CGNL1: variants seen among roughly 807,000 people sequenced by gnomAD.
The protein encoded by CGNL1 is cingulin like 1.
A neutral mutation model predicts 141.2 loss-of-function variants in CGNL1; 132 were observed. That is an observed-to-expected ratio of 0.93 (90% CI 0.81 to 1.08). CGNL1 has a LOEUF of 1.08. Ranked by LOEUF, CGNL1 falls within the 50% of genes least tolerant of loss-of-function variation. The pLI, the probability that CGNL1 is intolerant of heterozygous loss-of-function variation, is 0.00. For missense variants in CGNL1, 1,870 were observed against 1,588.6 expected (o/e 1.18, Z -3.01); for synonymous variants, 690 against 622.1 (o/e 1.11, Z -1.63).
intron 1 of CGNL1, among the ~76,000 whole-genome samples, chr15:57,432,260 T>A (rs1458026493): frequency 6.6e-6 from 1 of 152,194 alleles, no homozygotes; most frequent in African/African-American, 2.4e-5. Context: ...CTGGTGAATA[T>A]GCATGCAGGT....
At chr15:57,461,394 C>T (rs1284297819) in intron 7 of CGNL1, among the ~76,000 whole-genome samples, 3 of 152,138 alleles carry the variant, frequency 2.0e-5, no homozygotes, top group African/African-American at 7.2e-5. Flanking sequence ...AAGATACAGA[C>T]GTGTTCCCCA....
chr15:57,490,422 G>A lies in CGNL1; in HGVS notation c.2404-26358G>A, dbSNP rs578249374. ...AACACACACACACACGCACGCACGC[G>A]TGCGTGTGCACTCACATTGATGAGG... On this transcript the variant is annotated intron_variant, in intron 8 of 18. Coordinates refer to ENST00000281282, the MANE Select transcript of CGNL1 (RefSeq NM_032866.5). Among the ~76,000 whole-genome samples the A allele has an allele frequency of 9.2e-5, 14 of 152,106 alleles. No homozygotes were observed. The South Asian group carries it at 1.0e-3, about 11-fold the overall frequency.
At chr15:57,519,266 G>A (rs1050328046) in intron 10 of CGNL1, among the ~76,000 whole-genome samples, 1 of 152,196 alleles carries the variant, frequency 6.6e-6, no homozygotes, top group Non-Finnish European at 1.5e-5. Context: ...AGAAGCCAGT[G>A]TTTTTGAGAG....
At chr15:57,446,143 A>AG (rs2063248159) in intron 4 of CGNL1, among the ~76,000 whole-genome samples, 1 of 152,240 alleles carries the variant, frequency 6.6e-6, no homozygotes, top group Non-Finnish European at 1.5e-5. Flanking sequence ...ACACAGAGGC[A>AG]GGGGCTTTGG....
chr15:57,518,094 C>T (rs2030967124), intron 9 of CGNL1, among the ~76,000 whole-genome samples: 1 of 151,882 alleles, frequency 6.6e-6, no homozygotes, highest in South Asian at 2.1e-4. Flanking sequence ...TCACTTGAGC[C>T]CAGGAGTTCA....
At chr15:57,392,376 G>A (rs2062553285) in intron 1 of CGNL1, among the ~76,000 whole-genome samples, 1 of 152,120 alleles carries the variant, frequency 6.6e-6, no homozygotes, top group African/African-American at 2.4e-5. Flanking sequence ...GTGAAATAAG[G>A]TCATTTTAAA....
chr15:57,507,729 A>G (rs1265112300), intron 8 of CGNL1, among the ~76,000 whole-genome samples: 1 of 152,222 alleles, frequency 6.6e-6, no homozygotes. Flanking sequence ...GTTACAGATG[A>G]TCTGGTTTAA....
At chr15:57,511,030 T>A (rs2030256166) in intron 8 of CGNL1, among the ~76,000 whole-genome samples, 1 of 152,196 alleles carries the variant, frequency 6.6e-6, no homozygotes, top group African/African-American at 2.4e-5. Flanking sequence ...TCTGAGTTCC[T>A]GTGACCATTG....
At chr15:57,507,825 C>A (rs1483867625) in intron 8 of CGNL1, among the ~76,000 whole-genome samples, 1 of 152,164 alleles carries the variant, frequency 6.6e-6, no homozygotes, top group Admixed American at 6.5e-5. Flanking sequence ...TCCAGGACTA[C>A]CTAATGCTGC....
Position 57,439,605 on chromosome 15 carries a change from A to G in CGNL1, c.1602+4A>G. On this transcript the variant is annotated splice_donor_region_variant and intron_variant, in intron 2 of 18. Transcript: ENST00000281282. ...TCCTTCGGCCTCAAATACTCAGGTA[A>G]CACTAGTGCGATTCCTGTTTGGTTT... is the stretch of plus-strand genomic sequence containing the variant. The G allele has an allele frequency of 6.2e-7, 1 of 1,608,640 alleles. No homozygotes were observed. The highest frequency in any genetic ancestry group is 8.5e-7 in the Non-Finnish European group (1 of 1,176,848).
chr15:57,397,073 A>T (rs2062610781), intron 1 of CGNL1: 1 of 152,176 alleles, frequency 6.6e-6, no homozygotes, highest in African/African-American at 2.4e-5. Context: ...TGCAGAAAGA[A>T]GTCAGTCTTC....
chr15:57,410,042 G>C (rs936277699), intron 1 of CGNL1, among the ~76,000 whole-genome samples: 2 of 152,198 alleles, frequency 1.3e-5, no homozygotes, highest in South Asian at 4.1e-4. Context: ...AGCTGAGATG[G>C]TTTGGGGTTC....
intron 8 of CGNL1, among the ~76,000 whole-genome samples, chr15:57,503,204 GT>G (rs2064050657): frequency 1.3e-5 from 2 of 152,194 alleles, no homozygotes; most frequent in African/African-American, 4.8e-5. Flanking sequence ...CAATAGTTAG[GT>G]CAGTAGGAGC....
Position 57,544,539 on chromosome 15 carries a change from G to A in CGNL1, c.3442G>A (p.Val1148Ile), listed in dbSNP as rs2032749143. 1 of 1,611,690 alleles carries A rather than the reference G, an allele frequency of 6.2e-7. No homozygotes were observed. The highest frequency in any genetic ancestry group is 1.3e-5 in the African/African-American group (1 of 74,924). The change falls in exon 16 of 19, where the codon GTT (valine) becomes ATT (isoleucine). Residue 1148 changes from valine to isoleucine, a missense_variant. Transcript: ENST00000281282. ...CTACAGGTCCAGCAAAGAGGGGCTG[G>A]TTGTGCAGATGGAGGCCAGGATCGC... ...GSYRSSKEGL[V>I]VQMEARIAEL...
At chr15:57,521,671 T>C (rs549783327) in intron 10 of CGNL1, among the ~76,000 whole-genome samples, 2 of 151,552 alleles carry the variant, frequency 1.3e-5, no homozygotes, top group Admixed American at 1.3e-4. Flanking sequence ...AGGCCCAGAG[T>C]GGTGAGTCTG....
intron 1 of CGNL1, among the ~76,000 whole-genome samples, chr15:57,378,035 A>G (rs1443132902): frequency 1.3e-5 from 2 of 152,236 alleles, no homozygotes; most frequent in Admixed American, 6.5e-5. Flanking sequence ...TTCTGGAAGT[A>G]TGATGAAGCC....
At position 57,517,005 on chromosome 15, in the gene CGNL1, A is replaced by C; in HGVS notation, c.2610+19A>C. On this transcript the variant is annotated intron_variant, in intron 9 of 18. Coordinates refer to ENST00000281282, the MANE Select transcript of CGNL1 (RefSeq NM_032866.5). ...GTACGAGGTGAGGCTCGCTGGGCCC[A>C]GGCCCAGCTTTGGCAGCTGCTGCTC... is the stretch of plus-strand genomic sequence containing the variant. The C allele has an allele frequency of 6.2e-7, 1 of 1,605,652 alleles. No homozygotes were observed. Among genetic ancestry groups the C allele is most frequent in the African/African-American group, 1.3e-5 (1 of 74,784 alleles).
At chr15:57,407,531 G>A (rs1277878161) in intron 1 of CGNL1, among the ~76,000 whole-genome samples, 9 of 151,816 alleles carry the variant, frequency 5.9e-5, no homozygotes, top group African/African-American at 9.7e-5. Context: ...AAAAATAACC[G>A]GGCGTGGTGT....
At chr15:57,492,463 A>G (rs1327824532) in intron 8 of CGNL1, among the ~76,000 whole-genome samples, 3 of 152,210 alleles carry the variant, frequency 2.0e-5, no homozygotes, top group South Asian at 2.1e-4. Flanking sequence ...GACATTTTTC[A>G]TAGGTTGAAT....
Sources: allele counts gnomAD v4.1 joint callset (sites outside exome capture counted in the v4.1 genomes callset), GRCh38; gene constraint gnomAD v4.1.1; transcripts MANE v1.5; gene names NCBI Gene and HGNC (gene_info 2026-07-23, HGNC 2026-07-21).